Variants in MCMBP observed in about 807,000 individuals in gnomAD.
The protein encoded by MCMBP is minichromosome maintenance complex binding protein.
MCMBP carries 31 observed loss-of-function variants against 81.3 expected under a neutral mutation model. That is an observed-to-expected ratio of 0.38 (90% confidence interval 0.29 to 0.51). MCMBP has a LOEUF of 0.51. Ranked by LOEUF, MCMBP falls within the 20% of genes least tolerant of loss-of-function variation. The pLI is 0.87. For synonymous variants in MCMBP, 267 were observed against 275.9 expected (o/e 0.97, Z 0.32); for missense variants, 645 against 772.1 (o/e 0.84, Z 1.95).
intron 5 of MCMBP, among the ~76,000 whole-genome samples, chr10:119,854,531 C>A: frequency 8.1e-6 from 1 of 124,106 alleles, no homozygotes; most frequent in East Asian, 2.2e-4. Context: ...AGGGAGAGAC[C>A]CTGTCTCAAA....
chr10:119,858,743 T>C, intron 4 of MCMBP, 141 bp downstream of exon 4: 1 of 716,140 alleles, frequency 1.4e-6, no homozygotes, highest in Non-Finnish European at 2.2e-6. Context: ...AACTCCTAAA[T>C]AAAACCAAAT....
chr10:119,865,334 G>A (rs527404080), intron 1 of MCMBP, among the ~76,000 whole-genome samples: 76 of 152,224 alleles, frequency 5.0e-4, no homozygotes, highest in African/African-American at 1.8e-3. Flanking sequence ...GCTTATGCCC[G>A]TAATCCCAGC....
At chr10:119,839,218 G>A (rs1852349828) in intron 11 of MCMBP, among the ~76,000 whole-genome samples, 1 of 152,188 alleles carries the variant, frequency 6.6e-6, no homozygotes, top group Non-Finnish European at 1.5e-5. Context: ...CTCAGGAGGT[G>A]CCTCCAGGAC....
In MCMBP at chr10:119,831,395, A is replaced by T. The variant is rs901993431; in HGVS notation, c.*79T>A. ...TTGTGATAGAAATTACCTATAAAAC[A>T]ATGTGGTATAAATGAATATCTGAAT... On this transcript the variant is annotated 3_prime_UTR_variant, in exon 16 of 16. Coordinates refer to ENST00000369077, the MANE Select transcript of MCMBP (RefSeq NM_001256378.2). 2 of 1,541,084 alleles carry T rather than the reference A, an allele frequency of 1.3e-6. No homozygotes were observed. The highest frequency in any genetic ancestry group is 1.2e-5 in the South Asian group (1 of 84,376).
Position 119,857,452 on chromosome 10 carries a change from T to A in MCMBP, c.328-13A>T, listed in dbSNP as rs763679116. ...GTTCTTGTTGAGGCTGTGATATACA[T>A]AAAAAGTGTTTTTAAAAATTTACTT... is the stretch of plus-strand genomic sequence containing the variant. On this transcript the variant is annotated splice_polypyrimidine_tract_variant and intron_variant, in intron 4 of 15. Coordinates refer to ENST00000369077, the MANE Select transcript of MCMBP (RefSeq NM_001256378.2). The A allele has an allele frequency of 2.6e-6, 4 of 1,532,068 alleles. No individual in the cohort carries two copies. Among genetic ancestry groups the A allele is most frequent in the African/African-American group, 1.4e-5 (1 of 71,956 alleles). The allele number at this position is 1,532,068 out of a possible 1,614,324, so 94.9% of individuals were successfully genotyped here.
At chr10:119,833,300 A>C (rs1451377435) in intron 14 of MCMBP, among the ~76,000 whole-genome samples, 1 of 152,184 alleles carries the variant, frequency 6.6e-6, no homozygotes, top group African/African-American at 2.4e-5. Context: ...GGGAGGTTTA[A>C]TTTCCAGAGT....
intron 11 of MCMBP, 109 bp downstream of exon 11, chr10:119,840,734 A>G (rs962652869): frequency 3.4e-6 from 2 of 593,736 alleles, no homozygotes; most frequent in Non-Finnish European, 5.6e-6. Flanking sequence ...TTCCCCTTAA[A>G]TAAGATCTAT....
At chr10:119,844,922 G>C (rs1259962202) in intron 8 of MCMBP, among the ~76,000 whole-genome samples, 2 of 152,136 alleles carry the variant, frequency 1.3e-5, no homozygotes, top group Non-Finnish European at 2.9e-5. Context: ...AGCCTACACT[G>C]GTGGCTTCCC....
In MCMBP at chr10:119,847,657, T is replaced by C; in HGVS notation, c.783A>G (p.Ile261Met). ...TACTCAGCACAGGATCCACAGACAGTATGCCATATAGCTCAAGAATGTCAT... is the reference window on the plus strand; with the variant it reads ...TACTCAGCACAGGATCCACAGACAGCATGCCATATAGCTCAAGAATGTCAT... ...KVNDILELYG[I>M]LSVDPVLSIL... The change falls in exon 8 of 16, where the codon ATA (isoleucine) becomes ATG (methionine). Residue 261 changes from isoleucine to methionine, a missense_variant. By Grantham distance (10) the Ile-to-Met change is conservative. Transcript: ENST00000369077. The C allele has an allele frequency of 1.2e-6, 2 of 1,612,162 alleles. No individual in the cohort carries two copies. Among genetic ancestry groups the C allele is most frequent in the Non-Finnish European group, 1.7e-6 (2 of 1,179,088 alleles).
chr10:119,831,074 A>C lies in MCMBP; in HGVS notation c.*400T>G, dbSNP rs1852015516. The C allele has an allele frequency of 6.4e-6, 1 of 156,752 alleles. No individual in the cohort carries two copies. Among genetic ancestry groups the C allele is most frequent in the East Asian group, 1.9e-4 (1 of 5,324 alleles). 9.7% of individuals were successfully genotyped at this position (156,752 alleles called of 1,614,324 possible). A position where few individuals can be genotyped will look rare whatever the true frequency, so the allele number is the denominator to read the frequency against. On this transcript the variant is annotated 3_prime_UTR_variant, in exon 16 of 16. Coordinates refer to ENST00000369077, the MANE Select transcript of MCMBP (RefSeq NM_001256378.2). ...AACTGGAAAAACAGAGAACTAGAAA[A>C]CATAAGAAATCCGAAGCACGATTCC... is the stretch of plus-strand genomic sequence containing the variant.
intron 14 of MCMBP, among the ~76,000 whole-genome samples, chr10:119,833,653 A>C (rs1852131551): frequency 6.6e-6 from 1 of 152,166 alleles, no homozygotes; most frequent in Non-Finnish European, 1.5e-5. Flanking sequence ...CCTGGGTGAT[A>C]CAGTGAGACC....
chr10:119,840,035 A>G (rs1228962390), intron 11 of MCMBP, among the ~76,000 whole-genome samples: 1 of 152,216 alleles, frequency 6.6e-6, no homozygotes, highest in Admixed American at 6.5e-5. Flanking sequence ...TTGGCTTGGG[A>G]AAAGTTGTTT....
At chr10:119,872,035 G>T (rs547960091) in intron 1 of MCMBP, among the ~76,000 whole-genome samples, 98 of 152,298 alleles carry the variant, frequency 6.4e-4, no homozygotes, top group African/African-American at 2.2e-3. Flanking sequence ...GAGAATGAGG[G>T]TAGCACAGGA....
intron 7 of MCMBP, among the ~76,000 whole-genome samples, chr10:119,848,604 C>T (rs765935164): frequency 3.3e-5 from 5 of 151,990 alleles, no homozygotes; most frequent in Non-Finnish European, 7.4e-5. Flanking sequence ...GAGAGTGAGA[C>T]TGCCTCAAAA....
chr10:119,836,489 GA>G (rs1455419641), intron 13 of MCMBP, among the ~76,000 whole-genome samples: 2 of 152,148 alleles, frequency 1.3e-5, no homozygotes, highest in African/African-American at 4.8e-5. Flanking sequence ...CACAAAGCAT[GA>G]AAATAACTAC....
intron 1 of MCMBP, among the ~76,000 whole-genome samples, chr10:119,863,896 C>A (rs1402177216): frequency 1.3e-5 from 2 of 151,634 alleles, no homozygotes; most frequent in Admixed American, 1.3e-4. Flanking sequence ...GAATAATGAC[C>A]CCCTCCCACC....
At chr10:119,846,724 A>C (rs978498904) in intron 8 of MCMBP, among the ~76,000 whole-genome samples, 12 of 152,192 alleles carry the variant, frequency 7.9e-5, no homozygotes, top group African/African-American at 2.9e-4. Flanking sequence ...AACCATGAGG[A>C]AACAAGTAAC....
intron 13 of MCMBP, among the ~76,000 whole-genome samples, chr10:119,836,153 A>G (rs1852233696): frequency 6.6e-6 from 1 of 152,214 alleles, no homozygotes; most frequent in South Asian, 2.1e-4. Flanking sequence ...TTTTAATATT[A>G]ATTTACATGC....
intron 7 of MCMBP, 32 bp downstream of exon 7, chr10:119,849,393 T>C: frequency 6.3e-7 from 1 of 1,589,968 alleles, no homozygotes; most frequent in Non-Finnish European, 8.5e-7. Context: ...CACATAACAT[T>C]TCAGTGTTGG....
Sources: allele counts gnomAD v4.1 joint callset (sites outside exome capture counted in the v4.1 genomes callset), GRCh38; gene constraint gnomAD v4.1.1; transcripts MANE v1.5; gene names NCBI Gene and HGNC (gene_info 2026-07-23, HGNC 2026-07-21).